The following LCMT2 variants were observed in gnomAD, a reference collection of about 807,000 sequenced individuals.
LCMT2 encodes leucine carboxyl methyltransferase 2, also known as tRNA wybutosine-synthesizing protein 4.
LCMT2 carries 34 observed loss-of-function variants against 42.0 expected under a neutral mutation model. That is an observed-to-expected ratio of 0.81 (90% CI 0.62 to 1.08). LCMT2 has a LOEUF of 1.08. Among genes scored for constraint, LCMT2 ranks in the 50% least tolerant of loss-of-function variants. The pLI is 0.00. For synonymous variants in LCMT2, 445 were observed against 369.5 expected, an observed-to-expected ratio of 1.20 and a Z score of -2.34; for missense variants, 1,091 against 889.4, an observed-to-expected ratio of 1.23 and a Z score of -2.88.
Position 43,330,066 on chromosome 15 carries a change from C to T in LCMT2, c.424G>A (p.Gly142Arg), listed in dbSNP as rs765128255. The change falls in exon 1 of 1, where the codon GGG becomes AGG. Residue 142 changes from glycine to arginine, a missense_variant. Transcript: ENST00000305641. ...LCALTGPFER[G>R]EPASALCFES... ...AAGCACAGCGCGGACGCGGGCTCCC[C>T]CCTCTCGAAAGGCCCGGTTAACGCG... is the stretch of plus-strand genomic sequence containing the variant. 4.3e-6 allele frequency: 7 copies of T among 1,612,258 alleles called. No individual in the cohort carries two copies. Among genetic ancestry groups the T allele is most frequent in the African/African-American group, 4.0e-5 (3 of 74,920 alleles).
In LCMT2 at chr15:43,323,871, T is replaced by G. The variant is rs1596471270; in HGVS notation, c.*4558A>C. On this transcript the variant is annotated 3_prime_UTR_variant, in exon 1 of 1. Coordinates refer to ENST00000305641, the MANE Select transcript of LCMT2 (RefSeq NM_014793.5). ...TAAGAACTATAGTAATATTCAAATA[T>G]AATTTATTTGAGTACAAGAGTGGAC... The G allele has an allele frequency of 1.3e-5, 2 of 152,222 alleles. No homozygotes were observed. The highest frequency in any genetic ancestry group is 4.1e-4 in the South Asian group (2 of 4,830). The allele number at this position is 152,222 out of a possible 1,614,324, so 9.4% of individuals were successfully genotyped here.
chr15:43,327,450 C>G lies in LCMT2; in HGVS notation c.*979G>C, dbSNP rs184228877. The stretch of plus-strand genomic sequence containing the variant: ...GGCCTGAAAAGGTGAAGTAAAGGAA[C>G]AATTACTGAAACCTGGGATGATGCA... On this transcript the variant is annotated 3_prime_UTR_variant, in exon 1 of 1. Coordinates refer to ENST00000305641, the MANE Select transcript of LCMT2 (RefSeq NM_014793.5). The G allele has an allele frequency of 6.6e-6, 1 of 152,358 alleles. No individual in the cohort carries two copies. The highest frequency in any genetic ancestry group is 1.5e-5 in the Non-Finnish European group (1 of 68,048). 9.4% of individuals were successfully genotyped at this position (152,358 alleles called of 1,614,324 possible).
At position 43,329,815 on chromosome 15, in the gene LCMT2, G is replaced by T; in HGVS notation, c.675C>A (p.Asp225Glu). 3 of 1,613,944 alleles carry T rather than the reference G, an allele frequency of 1.9e-6. No homozygotes were observed. Among genetic ancestry groups the T allele is most frequent in the Non-Finnish European group, 2.5e-6 (3 of 1,180,048 alleles). The change falls in exon 1 of 1, where the codon GAC becomes GAA. Residue 225 changes from aspartate to glutamate, a missense_variant. Physicochemically the swap from Asp to Glu is conservative, Grantham distance 45. Coordinates refer to ENST00000305641, the MANE Select transcript of LCMT2 (RefSeq NM_014793.5). ...FVVYEQMRPQ[D>E]AFGQFMLQHF... ...GTTGCAGCATGAACTGGCCAAAGGC[G>T]TCTTGAGGCCTCATCTGCTCATAGA...
rs895823896 is a variant in LCMT2 at position 43,328,674 on chromosome 15, T to C, written c.1816A>G (p.Ile606Val). The C allele has an allele frequency of 6.2e-7, 1 of 1,614,108 alleles. No individual in the cohort carries two copies. The highest frequency in any genetic ancestry group is 8.5e-7 in the Non-Finnish European group (1 of 1,180,008). The change falls in exon 1 of 1, where the codon ATT becomes GTT. Residue 606 changes from isoleucine (I) to valine (V), a missense_variant. Ile to Val is a conservative substitution (Grantham distance 29). Coordinates refer to ENST00000305641, the MANE Select transcript of LCMT2 (RefSeq NM_014793.5). ...GKLLLVGGIWIHSSSFPGVTV... is the reference protein window; with the variant it reads ...GKLLLVGGIWVHSSSFPGVTV... ...ACTCCAGGAAATGAGGAGGAATGAATCCAGATCCCTCCAACCAGTAACAGC... is the reference window on the plus strand; with the variant it reads ...ACTCCAGGAAATGAGGAGGAATGAACCCAGATCCCTCCAACCAGTAACAGC...
At position 43,330,535 on chromosome 15, in the gene LCMT2, G is replaced by A. The variant is rs2043180556; in HGVS notation, c.-46C>T. 6.6e-7 allele frequency: 1 copy of A among 1,504,806 alleles called. No homozygotes were observed. Among genetic ancestry groups the A allele is most frequent in the Non-Finnish European group, 8.8e-7 (1 of 1,130,822 alleles). The allele number at this position is 1,504,806 out of a possible 1,614,324, so 93.2% of individuals were successfully genotyped here. A position where few individuals can be genotyped will look rare whatever the true frequency, so the allele number is the denominator to read the frequency against. On this transcript the variant is annotated 5_prime_UTR_variant, in exon 1 of 1. Transcript: ENST00000305641. ...TGGCAGTCTGTCACGGTTGTGAGCC[G>A]CCCCTTGGTTAGCACACACCTCACG... is the stretch of plus-strand genomic sequence containing the variant.
rs771857931 is a variant in LCMT2 at position 43,330,263 on chromosome 15, G to C, written c.227C>G (p.Ala76Gly). The C allele has an allele frequency of 4.2e-5, 67 of 1,600,684 alleles. 1 individual carries two copies. Among genetic ancestry groups the C allele is most frequent in the South Asian group, 1.9e-4 (17 of 90,078 alleles). The change falls in exon 1 of 1, where the codon GCG becomes GGG. Residue 76 changes from alanine (A) to glycine (G), a missense_variant. Transcript: ENST00000305641. ...CTGCGCGCGAAGCGCGGCCTGGGGC[G>C]CGCCAATCTGCTCCAAAAAAGCGCG... ...CVRAFLEQIGAPQAALRAQIL... is the reference protein window; with the variant it reads ...CVRAFLEQIGGPQAALRAQIL...
Position 43,328,315 on chromosome 15 carries a change from A to C in LCMT2, c.*114T>G. The C allele has an allele frequency of 8.5e-7, 1 of 1,182,488 alleles. No homozygotes were observed. Among genetic ancestry groups the C allele is most frequent in the South Asian group, 1.5e-5 (1 of 67,640 alleles). The allele number at this position is 1,182,488 out of a possible 1,614,324, so 73.2% of individuals were successfully genotyped here. A position where few individuals can be genotyped will look rare whatever the true frequency, so the allele number is the denominator to read the frequency against. ...TCACTTTTTGCACTGAATAGTGCTA[A>C]GGGAAAAAAAGGATGGGGAAAGGAG... On this transcript the variant is annotated 3_prime_UTR_variant, in exon 1 of 1. Coordinates refer to ENST00000305641, the MANE Select transcript of LCMT2 (RefSeq NM_014793.5).
rs1485718287 is a variant in LCMT2, at chr15:43,329,403, C to G, written c.1087G>C (p.Val363Leu). 3.7e-6 allele frequency: 6 copies of G among 1,614,028 alleles called. No individual in the cohort carries two copies. Among genetic ancestry groups the G allele is most frequent in the Non-Finnish European group, 3.4e-6 (4 of 1,180,044 alleles). The change falls in exon 1 of 1, where the codon GTC (valine) becomes CTC (leucine). Residue 363 changes from valine to leucine, a missense_variant. Transcript: ENST00000305641. ...AGAATAACGTCTGGGCTCAAGAAGA[C>G]AGAGGCGTGGCCATATCTCTTCAGG... ...PNLKRYGHAS[V>L]FLSPDVILSA... is the part of the protein sequence containing the mutation.
At position 43,324,471 on chromosome 15, in the gene LCMT2, A is replaced by T. The variant is rs911547173; in HGVS notation, c.*3958T>A. 7 of 151,958 alleles carry T rather than the reference A, an allele frequency of 4.6e-5. No homozygotes were observed. The highest frequency in any genetic ancestry group is 1.5e-4 in the African/African-American group (6 of 41,346). 9.4% of individuals were successfully genotyped at this position (151,958 alleles called of 1,614,324 possible). The stretch of plus-strand genomic sequence containing the variant: ...ATCTCTACTAAAAATAAATAAAAAA[A>T]AAATTAGCCGGGCATGGTGGTGCGC... On this transcript the variant is annotated 3_prime_UTR_variant, in exon 1 of 1. Transcript: ENST00000305641.
chr15:43,329,664 G>A lies in LCMT2; in HGVS notation c.826C>T (p.His276Tyr). 6.2e-7 allele frequency: 1 copy of A among 1,613,882 alleles called. No individual in the cohort carries two copies. Among genetic ancestry groups the A allele is most frequent in the Non-Finnish European group, 8.5e-7 (1 of 1,180,032 alleles). Reference sequence around the variant, plus strand: ...CGTTCTTCTGCGGGAAGAAAGCAGTGATAGAATTCATTCATGTCCACGGCA... The same window carrying A: ...CGTTCTTCTGCGGGAAGAAAGCAGTAATAGAATTCATTCATGTCCACGGCA... ...CGAVDMNEFYHCFLPAEERRR... is the reference protein window; with the variant it reads ...CGAVDMNEFYYCFLPAEERRR... Residue 276 changes from histidine to tyrosine, a missense_variant, in exon 1 of 1, where the codon CAC becomes TAC. By Grantham distance (83) the His-to-Tyr change is moderately conservative. Transcript: ENST00000305641.
At position 43,329,128 on chromosome 15, in the gene LCMT2, A is replaced by G. The variant is rs1361704452; in HGVS notation, c.1362T>C (p.Ser454=). 6.2e-7 allele frequency: 1 copy of G among 1,613,634 alleles called. No homozygotes were observed. The highest frequency in any genetic ancestry group is 8.5e-7 in the Non-Finnish European group (1 of 1,179,970). Reference sequence around the variant, plus strand: ...TCAGGTCCTCAGTGTTATTATCCTCACTCTTAAAAAAATGAAGCTGGAGAA... The same window carrying G: ...TCAGGTCCTCAGTGTTATTATCCTCGCTCTTAAAAAAATGAAGCTGGAGAA... ...LGVLQLHFFK[S]EDNNTEDLKV... is the part of the protein sequence containing the mutation. The change falls in exon 1 of 1, where the codon AGT becomes AGC. Residue 454 remains serine (S), a synonymous_variant. Coordinates refer to ENST00000305641, the MANE Select transcript of LCMT2 (RefSeq NM_014793.5).
In LCMT2 at chr15:43,326,989, C is replaced by A. The variant is rs1041755893; in HGVS notation, c.*1440G>T. ...ACTAAAGTAATACACTTATTACCAC[C>A]AAAGCCACTACATTTTTTGAGGTGT... On this transcript the variant is annotated 3_prime_UTR_variant, in exon 1 of 1. Coordinates refer to ENST00000305641, the MANE Select transcript of LCMT2 (RefSeq NM_014793.5). 1 of 152,166 alleles carries A rather than the reference C, an allele frequency of 6.6e-6. No homozygotes were observed. Among genetic ancestry groups the A allele is most frequent in the Admixed American group, 6.5e-5 (1 of 15,278 alleles). The allele number at this position is 152,166 out of a possible 1,614,324, so 9.4% of individuals were successfully genotyped here.
In LCMT2 at chr15:43,325,287, C is replaced by A. The variant is rs1175416338; in HGVS notation, c.*3142G>T. 1.3e-5 allele frequency: 2 copies of A among 152,146 alleles called. No individual in the cohort carries two copies. Among genetic ancestry groups the A allele is most frequent in the African/African-American group, 2.4e-5 (1 of 41,428 alleles). The allele number at this position is 152,146 out of a possible 1,614,324, so 9.4% of individuals were successfully genotyped here. The stretch of plus-strand genomic sequence containing the variant: ...AGAGCTCCGTATCAGAATTTTAGAA[C>A]AAAAACTTCAAAAGTGAAATGGAGA... On this transcript the variant is annotated 3_prime_UTR_variant, in exon 1 of 1. Coordinates refer to ENST00000305641, the MANE Select transcript of LCMT2 (RefSeq NM_014793.5).
chr15:43,328,795 CAGAA>C lies in LCMT2; in HGVS notation c.1691_1694del (p.Phe564Ter). The C allele has an allele frequency of 6.2e-7, 1 of 1,613,482 alleles. No individual in the cohort carries two copies. The highest frequency in any genetic ancestry group is 8.5e-7 in the Non-Finnish European group (1 of 1,180,034). On this transcript the variant is annotated frameshift_variant, in exon 1 of 1. Coordinates refer to ENST00000305641, the MANE Select transcript of LCMT2 (RefSeq NM_014793.5). LOFTEE classifies it high-confidence loss of function. ...AGAGGAATCCACAAGAGATTGGTCTCAGAAAGAGCACAGAGTTCAATGGCTCCTC... is the reference window on the plus strand; with the variant it reads ...AGAGGAATCCACAAGAGATTGGTCTCAGAGCACAGAGTTCAATGGCTCCTC...
chr15:43,330,103 C>A lies in LCMT2; in HGVS notation c.387G>T (p.Thr129=), dbSNP rs769759755. Residue 129 remains threonine (T), a synonymous_variant, in exon 1 of 1, where the codon ACG becomes ACT. Transcript: ENST00000305641. Reference sequence around the variant, plus strand: ...GCCCGGTTAACGCGCACAGCTCTGGCGTCTCTCCAATCCTTTCTGCTTTGC... The same window carrying A: ...GCCCGGTTAACGCGCACAGCTCTGGAGTCTCTCCAATCCTTTCTGCTTTGC... The part of the protein sequence containing the change: ...ARRKAERIGE[T]PELCALTGPF... The A allele has an allele frequency of 6.2e-7, 1 of 1,611,970 alleles. No individual in the cohort carries two copies. The highest frequency in any genetic ancestry group is 1.7e-5 in the Admixed American group (1 of 60,030).
rs1373920415 is a variant in LCMT2 at position 43,328,974 on chromosome 15, G to T, written c.1516C>A (p.Pro506Thr). Residue 506 changes from proline (P) to threonine (T), a missense_variant, in exon 1 of 1, where the codon CCT becomes ACT. Coordinates refer to ENST00000305641, the MANE Select transcript of LCMT2 (RefSeq NM_014793.5). ...AGGAAATGCCAGTCACTTAGTACAG[G>T]TTCCACCACGCTTCGACCCCCATAC... Reference protein sequence around the residue: ...FVYGGRSVVEPVLSDWHFLHV... With the variant: ...FVYGGRSVVETVLSDWHFLHV... 6.2e-7 allele frequency: 1 copy of T among 1,613,122 alleles called. No homozygotes were observed. Among genetic ancestry groups the T allele is most frequent in the African/African-American group, 1.3e-5 (1 of 74,924 alleles).
rs751160719 is a variant in LCMT2, at chr15:43,330,134, G to A, written c.356C>T (p.Ala119Val). Reference protein sequence around the residue: ...AVWEVDFPDVARRKAERIGET... With the variant: ...AVWEVDFPDVVRRKAERIGET... ...TCCAATCCTTTCTGCTTTGCGCCGCGCCACGTCCGGAAAATCCACCTCCCA... is the reference window on the plus strand; with the variant it reads ...TCCAATCCTTTCTGCTTTGCGCCGCACCACGTCCGGAAAATCCACCTCCCA... Residue 119 changes from alanine (A) to valine (V), a missense_variant, in exon 1 of 1, where the codon GCG becomes GTG. Ala to Val is a moderately conservative substitution (Grantham distance 64). Transcript: ENST00000305641. The A allele has an allele frequency of 2.2e-5, 36 of 1,611,756 alleles. No homozygotes were observed. Among genetic ancestry groups the A allele is most frequent in the Non-Finnish European group, 3.0e-5 (35 of 1,179,942 alleles).
rs901480628 is a variant in LCMT2 at position 43,330,079 on chromosome 15, C to T, written c.411G>A (p.Gly137=). 1 of 1,612,176 alleles carries T rather than the reference C, an allele frequency of 6.2e-7. No homozygotes were observed. The highest frequency in any genetic ancestry group is 8.5e-7 in the Non-Finnish European group (1 of 1,179,924). Residue 137 remains glycine (G), a synonymous_variant, in exon 1 of 1, where the codon GGG becomes GGA. Coordinates refer to ENST00000305641, the MANE Select transcript of LCMT2 (RefSeq NM_014793.5). ...ACGCGGGCTCCCCCCTCTCGAAAGG[C>T]CCGGTTAACGCGCACAGCTCTGGCG... The part of the protein sequence containing the change: ...GETPELCALT[G]PFERGEPASA...
At position 43,330,322 on chromosome 15, in the gene LCMT2, G is replaced by A. The variant is rs768183061; in HGVS notation, c.168C>T (p.Tyr56=). 9 of 1,602,124 alleles carry A rather than the reference G, an allele frequency of 5.6e-6. No individual in the cohort carries two copies. In the Admixed American group the frequency reaches 1.4e-4, roughly 25 times the overall value. ...GCCTCACGGCGCGTGCGCGGACGTA[G>A]TAGCCTCGGTGAATGAGCGGTGCGC... The part of the protein sequence containing the change: ...ARRAPLIHRG[Y]YVRARAVRHC... Residue 56 remains tyrosine (Y), a synonymous_variant, in exon 1 of 1, where the codon TAC becomes TAT. Transcript: ENST00000305641.
Sources: allele counts gnomAD v4.1 joint callset, GRCh38; gene constraint gnomAD v4.1.1; transcripts MANE v1.5; gene names NCBI Gene and HGNC (gene_info 2026-07-23, HGNC 2026-07-21).